The following MZT2B variants were observed in gnomAD, a reference collection of about 807,000 sequenced individuals.
MZT2B encodes the protein mitotic-spindle organizing protein 2B.
A neutral mutation model predicts 12.1 loss-of-function variants in MZT2B; 11 were observed. The observed-to-expected ratio is 0.91, with a 90% CI of 0.57 to 1.50. MZT2B has a LOEUF of 1.50. Ranked by LOEUF, MZT2B falls within the 40% of genes most tolerant of loss-of-function variation. MZT2B has a pLI of 0.00. For synonymous variants in MZT2B, 85 were observed against 109.5 expected (o/e 0.78, Z 1.40); for missense variants, 209 against 227.7 (o/e 0.92, Z 0.53).
chr2:130,183,839 T>G, intron 2 of MZT2B: 1 of 1,550,676 alleles, frequency 6.4e-7, no homozygotes. Flanking sequence ...GGCCCTCCTT[T>G]TCCTCCAGCC....
chr2:130,204,640 A>G, the MZT2B span, among the ~76,000 whole-genome samples: 1 of 148,040 alleles, frequency 6.8e-6, no homozygotes, highest in South Asian at 2.2e-4. Flanking sequence ...GCAGTGAGCC[A>G]AGATCATGCC....
intron 1 of MZT2B, 59 bp downstream of exon 1, chr2:130,182,511 G>A (rs1315518998): frequency 6.5e-7 from 1 of 1,541,712 alleles, no homozygotes; most frequent in Non-Finnish European, 8.7e-7. Context: ...TCTGCTTTCC[G>A]GGTACGCCCG....
intron 2 of MZT2B, chr2:130,183,986 C>T (rs1241014483): frequency 1.9e-5 from 30 of 1,550,392 alleles, no homozygotes; most frequent in South Asian, 3.6e-5. Flanking sequence ...ATTGGCTTAT[C>T]TCTGGGGGTT....
the MZT2B span, among the ~76,000 whole-genome samples, chr2:130,196,924 CT>C: frequency 7.9e-5 from 12 of 152,198 alleles, no homozygotes; most frequent in African/African-American, 1.2e-4. Context: ...TGGCTTCTTG[CT>C]GGTTTGGTCA....
intron 2 of MZT2B, among the ~76,000 whole-genome samples, chr2:130,186,337 C>G (rs1690063315): frequency 6.6e-6 from 1 of 152,130 alleles, no homozygotes; most frequent in South Asian, 2.1e-4. Flanking sequence ...ACCAGATTCA[C>G]TCATACCCAC....
the MZT2B span, among the ~76,000 whole-genome samples, chr2:130,200,235 C>T: frequency 6.6e-6 from 1 of 152,052 alleles, no homozygotes; most frequent in African/African-American, 2.4e-5. Flanking sequence ...ACTAAAAATA[C>T]AAAAAATTAG....
intron 2 of MZT2B, chr2:130,183,633 GAGA>G (rs1689908333): frequency 7.7e-7 from 1 of 1,302,392 alleles, no homozygotes; most frequent in Non-Finnish European, 1.1e-6. Flanking sequence ...CAGGCATCCT[GAGA>G]AGGCGTGGAG....
chr2:130,194,824 T>A (rs1282010620), downstream of MZT2B, among the ~76,000 whole-genome samples: 1 of 152,158 alleles, frequency 6.6e-6, no homozygotes, highest in Non-Finnish European at 1.5e-5. Context: ...AGTACAGGTG[T>A]GTGCCACCAC....
the MZT2B span, chr2:130,202,352 G>A: frequency 7.3e-4 from 947 of 1,289,146 alleles, 11 homozygotes; most frequent in East Asian, 0.041. Flanking sequence ...AGGACAAGGC[G>A]GCGCCTCGAC....
downstream of MZT2B, among the ~76,000 whole-genome samples, chr2:130,193,151 A>G (rs1321745190): frequency 6.6e-6 from 1 of 151,432 alleles, no homozygotes; most frequent in African/African-American, 2.4e-5. Context: ...GCTACTTGGG[A>G]GGCTGAGGTG....
intron 2 of MZT2B, 28 bp from the exon 3 acceptor site, chr2:130,190,441 C>G (rs1690221449): frequency 4.3e-6 from 7 of 1,609,908 alleles, no homozygotes; most frequent in Non-Finnish European, 5.9e-6. Flanking sequence ...ACGCCCATTC[C>G]TAATCATTGT....
At chr2:130,189,197 C>T (rs1690171189) in intron 2 of MZT2B, among the ~76,000 whole-genome samples, 1 of 152,112 alleles carries the variant, frequency 6.6e-6, no homozygotes, top group Non-Finnish European at 1.5e-5. Context: ...CGAGGGACAG[C>T]CAGGAAAGAG....
chr2:130,183,842 C>T, intron 2 of MZT2B: 2 of 1,550,700 alleles, frequency 1.3e-6, no homozygotes, highest in East Asian at 2.4e-5. Flanking sequence ...CCTCCTTTTC[C>T]TCCAGCCCGC....
chr2:130,182,491 C>G, intron 1 of MZT2B, 39 bp downstream of exon 1: 4 of 1,539,450 alleles, frequency 2.6e-6, no homozygotes, highest in Non-Finnish European at 3.5e-6. Flanking sequence ...TAGCCAGACA[C>G]CCCCCGACCT....
At chr2:130,190,746 T>TTG (rs761262877), downstream of MZT2B, 48,901 of 1,161,322 alleles carry the variant, frequency 0.042, 475 homozygotes, top group East Asian at 0.077. Context: ...CTACCGTTTT[T>TTG]TTTTTTTGTT....
chr2:130,197,154 T>C, the MZT2B span, among the ~76,000 whole-genome samples: 68 of 152,268 alleles, frequency 4.5e-4, 1 homozygote, highest in Middle Eastern at 0.01. Flanking sequence ...CTCCCAGACA[T>C]CATCAGTGCT....
intron 2 of MZT2B, chr2:130,183,620 G>T (rs758515394): frequency 1.3e-5 from 15 of 1,175,820 alleles, no homozygotes; most frequent in South Asian, 7.9e-5. Context: ...GAGGAGACCC[G>T]CACAGGCATC....
At chr2:130,196,013 T>C in the MZT2B span, 1 of 1,393,876 alleles carries the variant, frequency 7.2e-7, no homozygotes, top group East Asian at 2.5e-5. Context: ...TTTCAGTTTC[T>C]CTCCTAACAA....
chr2:130,195,071 C>T (rs201762331), downstream of MZT2B: 2 of 1,612,926 alleles, frequency 1.2e-6, no homozygotes, highest in South Asian at 1.1e-5. Context: ...GAAACCTTCT[C>T]TTCTTACCAG....
Sources: gnomAD v4.1 joint callset for allele counts (sites outside exome capture counted in the v4.1 genomes callset) on GRCh38, gnomAD v4.1.1 for gene constraint, MANE v1.5 for transcripts, NCBI Gene and HGNC (gene_info 2026-07-23, HGNC 2026-07-21) for gene names.